PRKN: variants seen among roughly 807,000 people sequenced by gnomAD.
The protein encoded by PRKN is E3 ubiquitin-protein ligase parkin.
A neutral mutation model predicts 59.5 loss-of-function variants in PRKN; 56 were observed. The ratio of observed to expected loss-of-function variants is 0.94; its 90% CI spans 0.76 to 1.18. PRKN has a LOEUF of 1.18. PRKN is among the 50% of genes most tolerant of loss of function. PRKN has a pLI of 0.00. For missense variants in PRKN, 657 were observed against 596.4 expected (o/e 1.10, Z -1.06); for synonymous variants, 250 against 222.1 (o/e 1.13, Z -1.12).
chr6:161,899,219 C>T (rs545559185), intron 6 of PRKN, among the ~76,000 whole-genome samples: 2 of 152,218 alleles, frequency 1.3e-5, no homozygotes, highest in Non-Finnish European at 2.9e-5. Context: ...GAGATATTTG[C>T]ATAAATATAT....
chr6:162,130,150 C>A (rs966854455), intron 4 of PRKN, among the ~76,000 whole-genome samples: 4 of 152,168 alleles, frequency 2.6e-5, no homozygotes, highest in Non-Finnish European at 4.4e-5. Flanking sequence ...TACCACTCTG[C>A]AGCCTGTCCT....
rs1008834552 is a variant in PRKN, at chr6:161,499,008, C to T, written c.1083+49846G>A. On this transcript the variant is annotated intron_variant, in intron 9 of 11. Transcript: ENST00000366898. This position sits in a 1 kb window ranked among gnomAD's most constrained non-coding sequence, Gnocchi z 4.2. The stretch of plus-strand genomic sequence containing the variant: ...AGCCCCCGATGCTTTGCAACCTCCG[C>T]ACATTTCTCAGAACTCAGGCTGAAA... Among the ~76,000 whole-genome samples, 1 of 152,110 alleles carries T rather than the reference C, an allele frequency of 6.6e-6. No homozygotes were observed. The highest frequency in any genetic ancestry group is 1.5e-5 in the Non-Finnish European group (1 of 68,042).
At chr6:162,562,535 A>T (rs1779885784) in intron 1 of PRKN, among the ~76,000 whole-genome samples, 6 of 152,164 alleles carry the variant, frequency 3.9e-5, no homozygotes. Context: ...TTTGGGCCTT[A>T]AGGGAACATC....
chr6:162,020,180 G>T (rs940206398), intron 5 of PRKN, among the ~76,000 whole-genome samples: 1 of 151,830 alleles, frequency 6.6e-6, no homozygotes, highest in Non-Finnish European at 1.5e-5. Flanking sequence ...TTTGTGGCTT[G>T]GTCAGGCTTA....
rs145816655 is a variant in PRKN at position 162,597,155 on chromosome 6, C to T, written c.7+130507G>A. Among the ~76,000 whole-genome samples the T allele has an allele frequency of 3.5e-4, 54 of 152,198 alleles. 1 individual carries two copies. The East Asian group carries it at 9.7e-3, about 27-fold the overall frequency. Reference sequence around the variant, plus strand: ...TAAACTTGATTTTTTCTCTTAACCTCTATGGAAATGGACAAAAGATACAAT... The same window carrying T: ...TAAACTTGATTTTTTCTCTTAACCTTTATGGAAATGGACAAAAGATACAAT... On this transcript the variant is annotated intron_variant, in intron 1 of 11. Transcript: ENST00000366898.
At position 161,385,707 on chromosome 6, in the gene PRKN, G is replaced by A. The variant is rs1355895968; in HGVS notation, c.1167+1087C>T. The stretch of plus-strand genomic sequence containing the variant: ...CTCAGGTATACCCGCCTCCATTACA[G>A]CGGTCCTGAGGCAGGGGTCTCTGGG... On this transcript the variant is annotated intron_variant, in intron 10 of 11. Coordinates refer to ENST00000366898, the MANE Select transcript of PRKN (RefSeq NM_004562.3). This position sits in a 1 kb window ranked among gnomAD's most constrained non-coding sequence, Gnocchi z 4.9. Among the ~76,000 whole-genome samples the A allele has an allele frequency of 6.6e-6, 1 of 152,162 alleles. No homozygotes were observed. Among genetic ancestry groups the A allele is most frequent in the Admixed American group, 6.5e-5 (1 of 15,274 alleles).
chr6:162,703,177 A>C (rs959128999), intron 1 of PRKN, among the ~76,000 whole-genome samples: 1 of 152,224 alleles, frequency 6.6e-6, no homozygotes, highest in African/African-American at 2.4e-5. Context: ...ATAAAAGTGA[A>C]AATTAAGCTA....
At chr6:162,000,271 AAG>A (rs1486688886) in intron 5 of PRKN, among the ~76,000 whole-genome samples, 1 of 152,122 alleles carries the variant, frequency 6.6e-6, no homozygotes, top group Non-Finnish European at 1.5e-5. Flanking sequence ...AGTAATGAAT[AAG>A]AGTTTTTCTT....
intron 1 of PRKN, among the ~76,000 whole-genome samples, chr6:162,630,359 C>T (rs1783060213): frequency 6.6e-6 from 1 of 152,114 alleles, no homozygotes; most frequent in South Asian, 2.1e-4. Flanking sequence ...TTTGATTTCC[C>T]AGGCTGCCCA....
At chr6:162,180,008 A>G (rs6916122) in intron 4 of PRKN, among the ~76,000 whole-genome samples, 22,704 of 107,608 alleles carry the variant, frequency 0.21, 1,950 homozygotes, top group South Asian at 0.38. Flanking sequence ...GTGTGTGTGT[A>G]TGTGTGTAGC....
At chr6:162,492,447 C>G (rs1792858721) in intron 1 of PRKN, among the ~76,000 whole-genome samples, 1 of 152,154 alleles carries the variant, frequency 6.6e-6, no homozygotes, top group South Asian at 2.1e-4. Flanking sequence ...TGGGCTGAGG[C>G]TCTTTATCGA....
intron 9 of PRKN, among the ~76,000 whole-genome samples, chr6:161,439,873 G>A (rs1160904741): frequency 6.6e-6 from 1 of 152,076 alleles, no homozygotes; most frequent in Non-Finnish European, 1.5e-5. Flanking sequence ...GATAGACTTG[G>A]TCAAGGTCGT....
intron 3 of PRKN, among the ~76,000 whole-genome samples, chr6:162,229,485 C>T (rs1205762849): frequency 6.6e-6 from 1 of 152,192 alleles, no homozygotes; most frequent in Non-Finnish European, 1.5e-5. Flanking sequence ...GCCATTTCTC[C>T]AACAGAGGCT....
At chr6:161,905,657 TA>T (rs201572417) in intron 6 of PRKN, among the ~76,000 whole-genome samples, 6 of 151,990 alleles carry the variant, frequency 3.9e-5, no homozygotes, top group African/African-American at 1.4e-4. Context: ...TTTATATATA[TA>T]TTTTTTTAAA....
At chr6:162,601,980 T>C (rs1781731265) in intron 1 of PRKN, among the ~76,000 whole-genome samples, 1 of 152,188 alleles carries the variant, frequency 6.6e-6, no homozygotes, top group African/African-American at 2.4e-5. Context: ...ATCTATTTTG[T>C]GCCAAGGATT....
At chr6:161,982,345 A>C (rs1443514729) in intron 5 of PRKN, among the ~76,000 whole-genome samples, 1 of 129,588 alleles carries the variant, frequency 7.7e-6, no homozygotes, top group Non-Finnish European at 1.6e-5. Flanking sequence ...TAATTTACAG[A>C]TTCAATGCCA....
At chr6:162,269,366 G>A (rs1323275635) in intron 2 of PRKN, among the ~76,000 whole-genome samples, 1 of 152,152 alleles carries the variant, frequency 6.6e-6, no homozygotes, top group African/African-American at 2.4e-5. Context: ...ACCTAGAAGT[G>A]AGGAAACATT....
chr6:162,637,144 C>T (rs1340084887), intron 1 of PRKN, among the ~76,000 whole-genome samples: 1 of 151,754 alleles, frequency 6.6e-6, no homozygotes, highest in Non-Finnish European at 1.5e-5. Context: ...ATAATCCCAG[C>T]TACTCGGGAG....
In PRKN at chr6:162,053,300, C is replaced by G. The variant is rs572519515; in HGVS notation, c.618+791G>C. On this transcript the variant is annotated intron_variant, in intron 5 of 11. Coordinates refer to ENST00000366898, the MANE Select transcript of PRKN (RefSeq NM_004562.3). ...CTCTGTTCCTGAGAGAAGGTATTAA[C>G]TGCCAGCTGGCTCTGACAGTTTGGG... Among the ~76,000 whole-genome samples, 6 of 152,326 alleles carry G rather than the reference C, an allele frequency of 3.9e-5. No individual in the cohort carries two copies. In the East Asian group the frequency reaches 1.2e-3, roughly 29 times the overall value.
Sources: allele counts gnomAD v4.1 joint callset (sites outside exome capture counted in the v4.1 genomes callset), GRCh38; gene constraint gnomAD v4.1.1; non-coding constraint Gnocchi (gnomAD v3.1); transcripts MANE v1.5; gene names NCBI Gene and HGNC (gene_info 2026-07-23, HGNC 2026-07-21).